CCDC152: variants seen among roughly 807,000 people sequenced by gnomAD.
The protein encoded by CCDC152 is coiled-coil domain-containing protein 152.
A neutral mutation model predicts 38.1 loss-of-function variants in CCDC152; 37 were observed. That is an observed-to-expected ratio of 0.97 (90% CI 0.75 to 1.28). The LOEUF is 1.28. Ranked by LOEUF, CCDC152 falls within the 50% of genes most tolerant of loss-of-function variation. The pLI is 0.00. For synonymous variants in CCDC152, 83 were observed against 87.1 expected, an observed-to-expected ratio of 0.95 and a Z score of 0.26; for missense variants, 259 against 292.1, an observed-to-expected ratio of 0.89 and a Z score of 0.83.
intron 4 of CCDC152, among the ~76,000 whole-genome samples, chr5:42,772,869 C>T (rs1759718719): frequency 6.6e-6 from 1 of 152,114 alleles, no homozygotes; most frequent in Admixed American, 6.5e-5. Context: ...GGTTTCCTTT[C>T]CAATAGCTCT....
At chr5:42,775,844 C>A (rs994604932) in intron 4 of CCDC152, among the ~76,000 whole-genome samples, 1 of 148,604 alleles carries the variant, frequency 6.7e-6, no homozygotes, top group Non-Finnish European at 1.5e-5. Context: ...ACCTGAGAAG[C>A]GGTATAATGG....
At chr5:42,768,546 C>T (rs1759655556) in intron 3 of CCDC152, among the ~76,000 whole-genome samples, 1 of 152,190 alleles carries the variant, frequency 6.6e-6, no homozygotes, top group South Asian at 2.1e-4. Flanking sequence ...AATGAAACTT[C>T]TATCTTCTAT....
At chr5:42,770,139 G>A (rs1407410167) in intron 4 of CCDC152, among the ~76,000 whole-genome samples, 11 of 152,128 alleles carry the variant, frequency 7.2e-5, no homozygotes, top group Admixed American at 7.2e-4. Context: ...AATCAAACAG[G>A]CCTACCATTC....
intron 6 of CCDC152, among the ~76,000 whole-genome samples, chr5:42,795,984 G>A (rs926623492): frequency 6.6e-5 from 10 of 150,528 alleles, no homozygotes; most frequent in Middle Eastern, 6.8e-3. Context: ...GTAAACTATC[G>A]CAAGGACAAA....
intron 6 of CCDC152, among the ~76,000 whole-genome samples, chr5:42,791,575 T>C (rs545081027): frequency 6.6e-6 from 1 of 152,232 alleles, no homozygotes; most frequent in Non-Finnish European, 1.5e-5. Flanking sequence ...TCTTACCTCA[T>C]GTAATATATT....
At chr5:42,761,388 G>C (rs761790660) in intron 2 of CCDC152, among the ~76,000 whole-genome samples, 7 of 152,216 alleles carry the variant, frequency 4.6e-5, no homozygotes, top group Non-Finnish European at 1.0e-4. Context: ...GCCAAGGCAG[G>C]TAGATTGCCT....
chr5:42,757,931 C>T (rs1345178619), intron 1 of CCDC152, among the ~76,000 whole-genome samples: 1 of 151,898 alleles, frequency 6.6e-6, no homozygotes, highest in Non-Finnish European at 1.5e-5. Flanking sequence ...CTTCAGATTA[C>T]TATGTAGCAC....
rs969474544 is a variant in CCDC152 at position 42,800,651 on chromosome 5, A to C, written c.*870A>C. The stretch of plus-strand genomic sequence containing the variant: ...TCTATTTTTGGTTCACTAATTTGGT[A>C]GTTTATAAAAATGCTGGAAATGAAA... On this transcript the variant is annotated 3_prime_UTR_variant, in exon 9 of 9. Transcript: ENST00000361970. 2.7e-6 allele frequency: 4 copies of C among 1,486,494 alleles called. No homozygotes were observed. In the African/African-American group the frequency reaches 4.2e-5, roughly 16 times the overall value. 92.1% of individuals were successfully genotyped at this position (1,486,494 alleles called of 1,614,324 possible).
chr5:42,797,847 T>G (rs564927636), intron 7 of CCDC152, among the ~76,000 whole-genome samples: 1 of 152,164 alleles, frequency 6.6e-6, no homozygotes, highest in South Asian at 2.1e-4. Context: ...TCTAACTCTT[T>G]GCTCAAAAGT....
Position 42,769,700 on chromosome 5 carries a change from A to G in CCDC152, c.262+35A>G, listed in dbSNP as rs774734669. ...AAAAAAAAGTAAAATCTAAAAAAGC[A>G]TTGTGTATTTGAGCACCTTTAAAAA... On this transcript the variant is annotated intron_variant, in intron 4 of 8. Coordinates refer to ENST00000361970, the MANE Select transcript of CCDC152 (RefSeq NM_001134848.2). The G allele has an allele frequency of 1.2e-5, 18 of 1,464,070 alleles. No homozygotes were observed. The South Asian group carries it at 1.8e-4, about 15-fold the overall frequency. 90.7% of individuals were successfully genotyped at this position (1,464,070 alleles called of 1,614,324 possible).
chr5:42,768,919 A>G (rs1759660864), intron 3 of CCDC152, among the ~76,000 whole-genome samples: 1 of 152,162 alleles, frequency 6.6e-6, no homozygotes, highest in South Asian at 2.1e-4. Flanking sequence ...GTCATTACCA[A>G]GTTTTGAAAT....
intron 6 of CCDC152, among the ~76,000 whole-genome samples, chr5:42,795,265 G>A (rs1243773710): frequency 1.3e-5 from 2 of 152,100 alleles, no homozygotes; most frequent in Non-Finnish European, 2.9e-5. Context: ...ACTAATATTG[G>A]ACAAAGTATA....
chr5:42,791,318 C>T (rs1759997234), intron 6 of CCDC152, among the ~76,000 whole-genome samples: 1 of 152,200 alleles, frequency 6.6e-6, no homozygotes, highest in Non-Finnish European at 1.5e-5. Context: ...GGCCTCCTGC[C>T]TTTTGGCAGT....
intron 1 of CCDC152, among the ~76,000 whole-genome samples, chr5:42,757,538 C>A (rs1016231273): frequency 6.6e-6 from 1 of 152,164 alleles, no homozygotes; most frequent in African/African-American, 2.4e-5. Flanking sequence ...TCAGTCTCTG[C>A]GGCTCACTAA....
rs186697269 is a variant in CCDC152 at position 42,798,932 on chromosome 5, G to A, written c.559-443G>A. On this transcript the variant is annotated intron_variant, in intron 7 of 8. Transcript: ENST00000361970. ...CCTCAAAGTTCCTGCAGAAAGCTAGGTGAGGTTTTCTTCCTTGACTGTTTA... is the reference window on the plus strand; with the variant it reads ...CCTCAAAGTTCCTGCAGAAAGCTAGATGAGGTTTTCTTCCTTGACTGTTTA... Among the ~76,000 whole-genome samples, 28 of 152,208 alleles carry A rather than the reference G, an allele frequency of 1.8e-4. 1 individual carries two copies. Among genetic ancestry groups the A allele is most frequent in the Admixed American group, 3.9e-4 (6 of 15,300 alleles).
rs72563758 is a variant in CCDC152 at position 42,801,261 on chromosome 5, G to A, written c.*1480G>A. On this transcript the variant is annotated 3_prime_UTR_variant, in exon 9 of 9. Coordinates refer to ENST00000361970, the MANE Select transcript of CCDC152 (RefSeq NM_001134848.2). ...ATGATGCTCATGATGGTAATGAGGC[G>A]ATGGAGTTTCAACTGTTTTATCCAC... is the stretch of plus-strand genomic sequence containing the variant. The A allele has an allele frequency of 8.5e-4, 1,377 of 1,614,022 alleles. 2 individuals are homozygous for A. The highest frequency in any genetic ancestry group is 1.1e-3 in the Non-Finnish European group (1,305 of 1,179,922).
Position 42,800,978 on chromosome 5 carries a change from A to G in CCDC152, c.*1197A>G. 6.2e-7 allele frequency: 1 copy of G among 1,614,232 alleles called. No individual in the cohort carries two copies. The highest frequency in any genetic ancestry group is 8.5e-7 in the Non-Finnish European group (1 of 1,180,034). On this transcript the variant is annotated 3_prime_UTR_variant, in exon 9 of 9. Coordinates refer to ENST00000361970, the MANE Select transcript of CCDC152 (RefSeq NM_001134848.2). ...GACAATGGCAGCATCAGCTCCTAGGAGCCAACTCTGAATCTGTGGGCAATT... is the reference window on the plus strand; with the variant it reads ...GACAATGGCAGCATCAGCTCCTAGGGGCCAACTCTGAATCTGTGGGCAATT...
chr5:42,761,435 T>A (rs1394342832), intron 2 of CCDC152, among the ~76,000 whole-genome samples: 1 of 152,144 alleles, frequency 6.6e-6, no homozygotes, highest in African/African-American at 2.4e-5. Flanking sequence ...GGCAACATGG[T>A]GAAACCCTGT....
At chr5:42,791,780 C>G (rs1432978866) in intron 6 of CCDC152, among the ~76,000 whole-genome samples, 1 of 152,192 alleles carries the variant, frequency 6.6e-6, no homozygotes, top group African/African-American at 2.4e-5. Context: ...AAGAGTAATG[C>G]TGAGTCAATG....
Sources: gnomAD v4.1 joint callset for allele counts (sites outside exome capture counted in the v4.1 genomes callset) on GRCh38, gnomAD v4.1.1 for gene constraint, MANE v1.5 for transcripts, NCBI Gene and HGNC (gene_info 2026-07-23, HGNC 2026-07-21) for gene names.